Variants in SUSD6 observed in about 807,000 individuals in gnomAD.
The protein encoded by SUSD6 is sushi domain-containing protein 6.
In SUSD6, 16 loss-of-function variants were observed where a neutral mutation model predicts 28.4. That is an observed-to-expected ratio of 0.56 (90% CI 0.38 to 0.86). The LOEUF (loss-of-function observed/expected upper bound fraction) is 0.86, where lower values mean the gene tolerates loss of function less well. Ranked by LOEUF, SUSD6 falls within the 40% of genes least tolerant of loss-of-function variation. The pLI, the probability that SUSD6 is intolerant of heterozygous loss-of-function variation, is 0.00. For missense variants in SUSD6, 341 were observed against 384.2 expected, an observed-to-expected ratio of 0.89 and a Z score of 0.94; for synonymous variants, 147 against 159.6, an observed-to-expected ratio of 0.92 and a Z score of 0.59.
intron 2 of SUSD6, among the ~76,000 whole-genome samples, chr14:69,661,495 ACCCCAACCT>A (rs1193103487): frequency 6.6e-6 from 1 of 151,782 alleles, no homozygotes; most frequent in Admixed American, 6.6e-5. Context: ...CTTCCCTGCC[ACCCCAACCT>A]CCAAGTCTTT....
At chr14:69,636,315 G>A (rs1252814307) in intron 1 of SUSD6, among the ~76,000 whole-genome samples, 6 of 152,242 alleles carry the variant, frequency 3.9e-5, no homozygotes, top group African/African-American at 1.4e-4. Context: ...CAGTGGCTCA[G>A]ACCCCTGGCT....
rs1042612240 is a variant in SUSD6, at chr14:69,654,851, G to A, written c.-80-3662G>A. 2.7e-5 allele frequency among the ~76,000 whole-genome samples: 4 copies of A among 146,104 alleles called. No homozygotes were observed. In the Admixed American group the frequency reaches 2.8e-4, roughly 10 times the overall value. Reference sequence around the variant, plus strand: ...ATTCTGTCACCCAGGCTGGAGTGCAGTGGCACAATATCGGCTCACCACAAC... The same window carrying A: ...ATTCTGTCACCCAGGCTGGAGTGCAATGGCACAATATCGGCTCACCACAAC... On this transcript the variant is annotated intron_variant, in intron 1 of 5. Coordinates refer to ENST00000342745, the MANE Select transcript of SUSD6 (RefSeq NM_014734.4).
intron 2 of SUSD6, among the ~76,000 whole-genome samples, chr14:69,691,186 AC>A (rs1406101944): frequency 1.3e-5 from 2 of 152,156 alleles, no homozygotes; most frequent in African/African-American, 2.4e-5. Flanking sequence ...TACTAAAAAT[AC>A]AAAAAATTAG....
At chr14:69,647,315 G>A (rs1885442048) in intron 1 of SUSD6, among the ~76,000 whole-genome samples, 1 of 152,140 alleles carries the variant, frequency 6.6e-6, no homozygotes, top group Non-Finnish European at 1.5e-5. Context: ...TGGTCACTCT[G>A]CTATCTTTTA....
At chr14:69,665,509 T>TC (rs1261052826) in intron 2 of SUSD6, among the ~76,000 whole-genome samples, 2 of 152,204 alleles carry the variant, frequency 1.3e-5, no homozygotes, top group African/African-American at 2.4e-5. Context: ...CGCCTTGGCC[T>TC]CCCAAAGTGC....
At chr14:69,650,752 T>TTTGTTG (rs138694940) in intron 1 of SUSD6, among the ~76,000 whole-genome samples, 1 of 151,918 alleles carries the variant, frequency 6.6e-6, no homozygotes, top group Non-Finnish European at 1.5e-5. Flanking sequence ...GAGGCTGGGT[T>TTTGTTG]TTGTTGTTGT....
At chr14:69,702,496 G>A (rs1886326684) in intron 2 of SUSD6, among the ~76,000 whole-genome samples, 1 of 152,170 alleles carries the variant, frequency 6.6e-6, no homozygotes, top group Admixed American at 6.5e-5. Flanking sequence ...CCTAGGCACT[G>A]CCTGCCATCT....
At chr14:69,644,884 A>G (rs555135340) in intron 1 of SUSD6, among the ~76,000 whole-genome samples, 83 of 152,296 alleles carry the variant, frequency 5.4e-4, no homozygotes, top group African/African-American at 1.9e-3. Context: ...GAACTAGAAC[A>G]TATAGACCTT....
At chr14:69,640,868 G>A (rs1885341504) in intron 1 of SUSD6, among the ~76,000 whole-genome samples, 1 of 152,234 alleles carries the variant, frequency 6.6e-6, no homozygotes, top group Non-Finnish European at 1.5e-5. Context: ...ATTACAGTCT[G>A]TAACGTTCTG....
intron 1 of SUSD6, among the ~76,000 whole-genome samples, chr14:69,638,165 A>G (rs1226396718): frequency 6.6e-6 from 1 of 152,212 alleles, no homozygotes; most frequent in Non-Finnish European, 1.5e-5. Flanking sequence ...CTCTGTTCAG[A>G]TGCAAATGAT....
At chr14:69,632,395 G>A (rs757901746) in intron 1 of SUSD6, among the ~76,000 whole-genome samples, 2 of 152,162 alleles carry the variant, frequency 1.3e-5, no homozygotes, top group Non-Finnish European at 2.9e-5. Context: ...TGCAGCTGGG[G>A]AGGATTGCCT....
chr14:69,639,763 G>A (rs191960181), intron 1 of SUSD6, among the ~76,000 whole-genome samples: 1 of 152,220 alleles, frequency 6.6e-6, no homozygotes, highest in Non-Finnish European at 1.5e-5. Flanking sequence ...TGTGTGTTGT[G>A]GGATGTTTAG....
At chr14:69,622,354 G>A (rs549991504) in intron 1 of SUSD6, among the ~76,000 whole-genome samples, 1 of 152,088 alleles carries the variant, frequency 6.6e-6, no homozygotes, top group Admixed American at 6.5e-5. Context: ...TTTTTGCAGA[G>A]ACGGGGTTTT....
Position 69,715,095 on chromosome 14 carries a change from G to A in SUSD6, c.*4116G>A, listed in dbSNP as rs1886527930. 1.3e-5 allele frequency: 2 copies of A among 152,078 alleles called. No homozygotes were observed. Among genetic ancestry groups the A allele is most frequent in the Non-Finnish European group, 2.9e-5 (2 of 68,000 alleles). The allele number at this position is 152,078 out of a possible 1,614,324, so 9.4% of individuals were successfully genotyped here. A position where few individuals can be genotyped will look rare whatever the true frequency, so the allele number is the denominator to read the frequency against. On this transcript the variant is annotated 3_prime_UTR_variant, in exon 6 of 6. Coordinates refer to ENST00000342745, the MANE Select transcript of SUSD6 (RefSeq NM_014734.4). ...TTTAATTTAATTTTAATTGTTCTATGTATATAACTGCATTTCTAAATAATT... is the reference window on the plus strand; with the variant it reads ...TTTAATTTAATTTTAATTGTTCTATATATATAACTGCATTTCTAAATAATT...
intron 1 of SUSD6, among the ~76,000 whole-genome samples, chr14:69,629,910 C>T (rs1383237637): frequency 1.3e-5 from 2 of 152,134 alleles, no homozygotes; most frequent in Non-Finnish European, 2.9e-5. Context: ...TGAACCAGTT[C>T]CTATTCTTTC....
In SUSD6 at chr14:69,703,542, A is replaced by G. The variant is rs1175453605; in HGVS notation, c.269A>G (p.Lys90Arg). The change falls in exon 3 of 6, where the codon AAG (lysine) becomes AGG (arginine). Residue 90 changes from lysine (K) to arginine (R), a missense_variant. Transcript: ENST00000342745. ...GGCGATTACAAATACCTGACGTGTA[A>G]GAATGGCGAGTGGAAACCAGCCATG... ...LKGDYKYLTCKNGEWKPAMEI... is the reference protein window; with the variant it reads ...LKGDYKYLTCRNGEWKPAMEI... The G allele has an allele frequency of 5.6e-6, 9 of 1,614,128 alleles. No homozygotes were observed. The highest frequency in any genetic ancestry group is 6.8e-6 in the Non-Finnish European group (8 of 1,180,050).
At position 69,647,645 on chromosome 14, in the gene SUSD6, C is replaced by A. The variant is rs536214756; in HGVS notation, c.-80-10868C>A. Among the ~76,000 whole-genome samples the A allele has an allele frequency of 1.8e-4, 27 of 151,570 alleles. 1 individual carries two copies. The South Asian group carries it at 5.6e-3, about 32-fold the overall frequency. Reference sequence around the variant, plus strand: ...TTATCTCCCTTTTCTTGCTGTCCAACCCCCTGGAAAAAAAAAAAAGGAAAA... The same window carrying A: ...TTATCTCCCTTTTCTTGCTGTCCAAACCCCTGGAAAAAAAAAAAAGGAAAA... On this transcript the variant is annotated intron_variant, in intron 1 of 5. Coordinates refer to ENST00000342745, the MANE Select transcript of SUSD6 (RefSeq NM_014734.4).
intron 2 of SUSD6, among the ~76,000 whole-genome samples, chr14:69,669,139 C>T (rs1471369102): frequency 7.1e-6 from 1 of 140,484 alleles, no homozygotes; most frequent in Non-Finnish European, 1.5e-5. Context: ...TCTCGGCTCA[C>T]TGCAACCTCC....
intron 2 of SUSD6, among the ~76,000 whole-genome samples, chr14:69,667,000 T>A (rs1885751865): frequency 6.6e-6 from 1 of 152,144 alleles, no homozygotes. Context: ...GATCAATTCT[T>A]CCCATGTAGT....
Sources: allele counts gnomAD v4.1 joint callset (sites outside exome capture counted in the v4.1 genomes callset), GRCh38; gene constraint gnomAD v4.1.1; transcripts MANE v1.5; gene names NCBI Gene and HGNC (gene_info 2026-07-23, HGNC 2026-07-21).